The following MAP4 variants were observed in gnomAD, a reference collection of about 807,000 sequenced individuals.
MAP4 encodes the protein microtubule-associated protein 4.
MAP4 carries 76 observed loss-of-function variants against 170.2 expected under a neutral mutation model. The observed-to-expected ratio is 0.45, with a 90% confidence interval of 0.37 to 0.54. The LOEUF (loss-of-function observed/expected upper bound fraction) is 0.54. Ranked by LOEUF, MAP4 falls within the 20% of genes least tolerant of loss-of-function variation. The pLI, the probability that MAP4 is intolerant of heterozygous loss-of-function variation, is 0.00. For missense variants in MAP4, 2,506 were observed against 2,748.0 expected, an observed-to-expected ratio of 0.91 and a Z score of 1.97; for synonymous variants, 909 against 994.5, an observed-to-expected ratio of 0.91 and a Z score of 1.62.
Position 47,992,724 on chromosome 3 carries a change from C to T in MAP4, c.223+5914G>A, listed in dbSNP as rs374603304. 3.3e-5 allele frequency among the ~76,000 whole-genome samples: 5 copies of T among 151,834 alleles called. No individual in the cohort carries two copies. The South Asian group carries it at 8.3e-4, about 25-fold the overall frequency. On this transcript the variant is annotated intron_variant, in intron 2 of 20. Transcript: ENST00000683076. ...TCATACTCCAGCCTGACCAATATGG[C>T]GAAACCCCATCTCTACTAAAAATAC... is the stretch of plus-strand genomic sequence containing the variant.
In MAP4 at chr3:47,871,046, T is replaced by C; in HGVS notation, c.6061A>G (p.Ser2021Gly). ...TSSMKKTTTL[S>G]GTAPAAGVVP... ...ACCCCTGCAGCGGGGGCTGTCCCACTGAGAGTGGTGGTTTTCTTCATGGAA... is the reference window on the plus strand; with the variant it reads ...ACCCCTGCAGCGGGGGCTGTCCCACCGAGAGTGGTGGTTTTCTTCATGGAA... The change falls in exon 15 of 21, where the codon AGT (serine) becomes GGT (glycine). Residue 2021 changes from serine (S) to glycine (G), a missense_variant. Ser to Gly is a moderately conservative substitution (Grantham distance 56). This residue lies in a region of MAP4 where 487 missense variants were observed against 511.6 expected (regional missense o/e 0.95). Transcript: ENST00000683076. The C allele has an allele frequency of 1.2e-6, 2 of 1,613,182 alleles. No individual in the cohort carries two copies. Among genetic ancestry groups the C allele is most frequent in the Non-Finnish European group, 1.7e-6 (2 of 1,179,366 alleles).
chr3:47,866,449 A>C (rs2080332384), intron 17 of MAP4, among the ~76,000 whole-genome samples: 1 of 151,776 alleles, frequency 6.6e-6, no homozygotes, highest in African/African-American at 2.4e-5. Flanking sequence ...GACAAAAAAA[A>C]GGAGAGCAGA....
intron 1 of MAP4, among the ~76,000 whole-genome samples, chr3:48,048,027 T>C (rs1306962402): frequency 6.6e-6 from 1 of 152,134 alleles, no homozygotes; most frequent in African/African-American, 2.4e-5. Context: ...ATTGCTTGAG[T>C]CCAGGAGTTC....
At chr3:48,030,234 A>T (rs1176142101) in intron 1 of MAP4, among the ~76,000 whole-genome samples, 2 of 150,784 alleles carry the variant, frequency 1.3e-5, no homozygotes, top group African/African-American at 2.4e-5. Context: ...ATTAGAAAAT[A>T]AAAAAAAATT....
intron 3 of MAP4, among the ~76,000 whole-genome samples, chr3:47,940,084 C>T (rs1027990768): frequency 1.3e-5 from 2 of 152,080 alleles, no homozygotes; most frequent in African/African-American, 2.4e-5. Flanking sequence ...GTGAGCCACC[C>T]GCCTTGGCCT....
chr3:48,060,056 G>T (rs1270739945), intron 1 of MAP4, among the ~76,000 whole-genome samples: 1 of 151,938 alleles, frequency 6.6e-6, no homozygotes, highest in Admixed American at 6.5e-5. Flanking sequence ...AATATACATG[G>T]GTTATTAAAT....
intron 3 of MAP4, among the ~76,000 whole-genome samples, chr3:47,944,486 T>A (rs114090344): frequency 6.6e-6 from 1 of 151,894 alleles, no homozygotes; most frequent in Non-Finnish European, 1.5e-5. Context: ...TACATCAGAG[T>A]CCATCATTAC....
upstream of MAP4, among the ~76,000 whole-genome samples, chr3:48,019,786 G>A (rs181866384): frequency 1.3e-5 from 2 of 152,228 alleles, no homozygotes; most frequent in African/African-American, 4.8e-5. Context: ...TGAGGTGGAC[G>A]GATCACTTCA....
intron 2 of MAP4, among the ~76,000 whole-genome samples, chr3:47,982,460 A>C (rs2100085962): frequency 6.6e-6 from 1 of 152,202 alleles, no homozygotes; most frequent in Admixed American, 6.5e-5. Flanking sequence ...GATGATGGAA[A>C]CCAAAATGCT....
At chr3:48,040,518 C>A (rs1160769967) in intron 1 of MAP4, among the ~76,000 whole-genome samples, 3 of 152,202 alleles carry the variant, frequency 2.0e-5, no homozygotes, top group East Asian at 1.9e-4. Flanking sequence ...ATCCGCCCGC[C>A]TCGGCCTCCC....
Position 47,912,028 on chromosome 3 carries a change from T to G in MAP4, c.2393A>C (p.Lys798Thr). The change falls in exon 9 of 21, where the codon AAA (lysine) becomes ACA (threonine). Residue 798 changes from lysine (K) to threonine (T), a missense_variant. Transcript: ENST00000683076. ...PSDDDNADKP[K>T]GHPFAADTQK... Reference sequence around the variant, plus strand: ...TGTGTCAGCTGCAAATGGATGACCTTTAGGCTTATCTGCATTGTCATCATC... The same window carrying G: ...TGTGTCAGCTGCAAATGGATGACCTGTAGGCTTATCTGCATTGTCATCATC... The G allele has an allele frequency of 6.5e-7, 1 of 1,536,144 alleles. No homozygotes were observed. The highest frequency in any genetic ancestry group is 2.0e-5 in the Admixed American group (1 of 50,996).
At chr3:47,964,229 A>C (rs1445623366) in intron 3 of MAP4, among the ~76,000 whole-genome samples, 2 of 152,220 alleles carry the variant, frequency 1.3e-5, no homozygotes, top group African/African-American at 4.8e-5. Context: ...GTTTTTAAGA[A>C]TATGCTGCAG....
chr3:47,850,853 C>A lies in MAP4; in HGVS notation c.*2081G>T, dbSNP rs919306164. 6.6e-6 allele frequency: 1 copy of A among 150,760 alleles called. No individual in the cohort carries two copies. Among genetic ancestry groups the A allele is most frequent in the Non-Finnish European group, 1.5e-5 (1 of 68,002 alleles). 9.3% of individuals were successfully genotyped at this position (150,760 alleles called of 1,614,324 possible). A position where few individuals can be genotyped will look rare whatever the true frequency, so the allele number is the denominator to read the frequency against. ...GTACACATCACACAGGGCCTCTGGT[C>A]CCGGCCTTCTCAGGTGCTCTGGAGT... On this transcript the variant is annotated 3_prime_UTR_variant, in exon 21 of 21. Coordinates refer to ENST00000683076, the MANE Select transcript of MAP4 (RefSeq NM_001385682.1).
intron 2 of MAP4, among the ~76,000 whole-genome samples, chr3:47,988,010 C>A (rs1013337403): frequency 6.6e-6 from 1 of 151,844 alleles, no homozygotes; most frequent in African/African-American, 2.4e-5. Context: ...CTGGCTAACA[C>A]GGTGAAACCC....
At chr3:48,004,588 T>G (rs765512821) in intron 1 of MAP4, among the ~76,000 whole-genome samples, 1 of 152,100 alleles carries the variant, frequency 6.6e-6, no homozygotes, top group Non-Finnish European at 1.5e-5. Flanking sequence ...AGAGCTGAAA[T>G]TGTGGAAAAA....
chr3:47,948,250 A>T (rs1470311542), intron 3 of MAP4, among the ~76,000 whole-genome samples: 1 of 129,516 alleles, frequency 7.7e-6, no homozygotes, highest in South Asian at 2.5e-4. Flanking sequence ...TTTTCTTGAG[A>T]TAGGTAGGGT....
chr3:47,977,189 A>T (rs2100082657), intron 3 of MAP4, among the ~76,000 whole-genome samples: 1 of 152,178 alleles, frequency 6.6e-6, no homozygotes, highest in Admixed American at 6.5e-5. Context: ...AAAACACGCA[A>T]CTCTCACATC....
intron 1 of MAP4, among the ~76,000 whole-genome samples, chr3:48,032,070 A>G (rs2154520229): frequency 6.6e-6 from 1 of 152,290 alleles, no homozygotes; most frequent in South Asian, 2.1e-4. Flanking sequence ...ACTCTACAAA[A>G]TATCAGACCA....
chr3:47,880,465 GTTTT>G (rs3079393), intron 10 of MAP4, among the ~76,000 whole-genome samples: 1 of 106,070 alleles, frequency 9.4e-6, no homozygotes, highest in African/African-American at 3.8e-5. Context: ...TCCAATTTCA[GTTTT>G]TTTTTTTTTT....
Sources: gnomAD v4.1 joint callset for allele counts (sites outside exome capture counted in the v4.1 genomes callset) on GRCh38, gnomAD v4.1.1 for gene constraint, gnomAD v4.1.1 regional missense constraint, MANE v1.5 for transcripts, NCBI Gene and HGNC (gene_info 2026-07-23, HGNC 2026-07-21) for gene names.